The following CSMD1 variants were observed in gnomAD, a reference collection of about 807,000 sequenced individuals.
The protein encoded by CSMD1 is CUB and sushi domain-containing protein 1.
Under a neutral mutation model 417.5 loss-of-function variants are expected in CSMD1, and 213 were observed. The ratio of observed to expected loss-of-function variants is 0.51; its 90% confidence interval spans 0.46 to 0.57. The LOEUF is 0.57. CSMD1 is among the 20% of genes least tolerant of loss of function. The probability of loss-of-function intolerance (pLI) is 0.00; values close to 1 mark genes in which losing one functional copy is unlikely to be tolerated. For missense variants in CSMD1, 6,923 were observed against 4,529.7 expected (o/e 1.53, Z -15.17); for synonymous variants, 2,862 against 1,736.8 (o/e 1.65, Z -16.11).
chr8:4,416,673 A>T (rs1796959018), intron 3 of CSMD1, among the ~76,000 whole-genome samples: 1 of 152,080 alleles, frequency 6.6e-6, no homozygotes, highest in Admixed American at 6.6e-5. Context: ...TTTGGGGAAC[A>T]ATTTTTAGAT....
intron 3 of CSMD1, among the ~76,000 whole-genome samples, chr8:4,297,204 T>A (rs1476194673): frequency 1.3e-5 from 2 of 152,068 alleles, no homozygotes; most frequent in African/African-American, 4.8e-5. Context: ...TTTTTTTAAA[T>A]CCCTGGAGAA....
intron 3 of CSMD1, among the ~76,000 whole-genome samples, chr8:4,169,190 T>C (rs568619686): frequency 3.4e-4 from 52 of 152,256 alleles, no homozygotes; most frequent in South Asian, 1.0e-3. Context: ...AATGTTAACA[T>C]AGTGTACGTC....
At chr8:3,963,222 G>A (rs568847239) in intron 5 of CSMD1, among the ~76,000 whole-genome samples, 3 of 152,152 alleles carry the variant, frequency 2.0e-5, no homozygotes, top group South Asian at 2.1e-4. Flanking sequence ...TTGAGCCACC[G>A]CACCCGGCCT....
At chr8:3,607,913 T>C (rs1467169765) in intron 8 of CSMD1, among the ~76,000 whole-genome samples, 1 of 152,200 alleles carries the variant, frequency 6.6e-6, no homozygotes, top group Non-Finnish European at 1.5e-5. Context: ...TTCATGCCTG[T>C]AATCCCAGCA....
chr8:4,476,215 T>G (rs1012145297), intron 2 of CSMD1, among the ~76,000 whole-genome samples: 2 of 152,080 alleles, frequency 1.3e-5, no homozygotes, highest in African/African-American at 4.8e-5. Context: ...TAACAGAAAA[T>G]AAAACTTTTT....
intron 42 of CSMD1, among the ~76,000 whole-genome samples, chr8:3,114,331 C>G (rs1247869408): frequency 6.6e-6 from 1 of 151,754 alleles, no homozygotes; most frequent in Non-Finnish European, 1.5e-5. Context: ...AGATGGTTTT[C>G]TCTAGTATTA....
intron 2 of CSMD1, among the ~76,000 whole-genome samples, chr8:4,586,965 T>C (rs1799730645): frequency 6.6e-6 from 1 of 152,218 alleles, no homozygotes. Context: ...TAAGAGAGGT[T>C]ACATCTATAT....
intron 3 of CSMD1, among the ~76,000 whole-genome samples, chr8:4,089,675 C>G (rs989145754): frequency 6.6e-6 from 1 of 152,142 alleles, no homozygotes; most frequent in Non-Finnish European, 1.5e-5. Context: ...TAGTAAAGTG[C>G]TTAACATATA....
intron 49 of CSMD1, among the ~76,000 whole-genome samples, chr8:3,073,477 G>A (rs1269029691): frequency 6.6e-6 from 1 of 152,142 alleles, no homozygotes; most frequent in South Asian, 2.1e-4. Flanking sequence ...TCTAGAATAG[G>A]AAGCAAATAC....
At chr8:3,968,475 G>C (rs1812843796) in intron 5 of CSMD1, among the ~76,000 whole-genome samples, 1 of 152,102 alleles carries the variant, frequency 6.6e-6, no homozygotes, top group African/African-American at 2.4e-5. Context: ...AATCTTTTTA[G>C]TTAAGTACAT....
At chr8:3,514,061 T>C (rs1273819146) in intron 10 of CSMD1, among the ~76,000 whole-genome samples, 1 of 152,174 alleles carries the variant, frequency 6.6e-6, no homozygotes, top group Non-Finnish European at 1.5e-5. Flanking sequence ...AGGAACACCC[T>C]GTGTTCTTTA....
At chr8:3,318,039 G>A (rs985926922) in intron 23 of CSMD1, among the ~76,000 whole-genome samples, 1 of 152,154 alleles carries the variant, frequency 6.6e-6, no homozygotes, top group Non-Finnish European at 1.5e-5. Context: ...GGGTTCAAGT[G>A]ATCTGCCCAC....
intron 5 of CSMD1, among the ~76,000 whole-genome samples, chr8:3,825,396 G>T (rs112559362): frequency 3.9e-5 from 6 of 152,126 alleles, no homozygotes; most frequent in African/African-American, 1.4e-4. Flanking sequence ...AGGGGTGGTG[G>T]TAGGCACCTG....
chr8:4,967,740 T>A (rs201215231), intron 1 of CSMD1, among the ~76,000 whole-genome samples: 1 of 152,164 alleles, frequency 6.6e-6, no homozygotes, highest in Non-Finnish European at 1.5e-5. Context: ...CATTAGTTCA[T>A]CAATAATGAA....
chr8:4,976,162 G>T (rs757571207), intron 1 of CSMD1, among the ~76,000 whole-genome samples: 2 of 152,180 alleles, frequency 1.3e-5, no homozygotes, highest in Non-Finnish European at 2.9e-5. Context: ...CCTAGAGGGA[G>T]CAGAGAGACA....
intron 5 of CSMD1, among the ~76,000 whole-genome samples, chr8:3,785,096 C>T (rs1480479619): frequency 6.6e-6 from 1 of 152,168 alleles, no homozygotes; most frequent in African/African-American, 2.4e-5. Flanking sequence ...TCAAGATTGA[C>T]TGAATTTGAA....
chr8:3,858,017 A>G (rs983634226), intron 5 of CSMD1, among the ~76,000 whole-genome samples: 11 of 152,206 alleles, frequency 7.2e-5, no homozygotes, highest in African/African-American at 2.7e-4. Context: ...TGCTCTGCAC[A>G]TGTGTTCTTG....
chr8:4,084,755 C>G (rs548834727), intron 3 of CSMD1, among the ~76,000 whole-genome samples: 1 of 151,666 alleles, frequency 6.6e-6, no homozygotes, highest in East Asian at 2.0e-4. Context: ...ACCCCCCTAC[C>G]CAAAGCATGT....
intron 1 of CSMD1, among the ~76,000 whole-genome samples, chr8:4,965,231 C>T (rs1169117591): frequency 1.3e-5 from 2 of 152,174 alleles, no homozygotes; most frequent in Non-Finnish European, 2.9e-5. Flanking sequence ...TAACACATTT[C>T]AGATTTTAAA....
Sources: gnomAD v4.1 joint callset for allele counts (sites outside exome capture counted in the v4.1 genomes callset) on GRCh38, gnomAD v4.1.1 for gene constraint, MANE v1.5 for transcripts, NCBI Gene and HGNC (gene_info 2026-07-23, HGNC 2026-07-21) for gene names.